Variants in CAMK4 observed in about 807,000 individuals in gnomAD.
The protein encoded by CAMK4 is calcium/calmodulin dependent protein kinase IV.
In CAMK4, 22 loss-of-function variants were observed where a neutral mutation model predicts 44.9. That is an observed-to-expected ratio of 0.49 (90% confidence interval 0.35 to 0.70). The LOEUF (loss-of-function observed/expected upper bound fraction) is 0.70, where lower values mean the gene tolerates loss of function less well. CAMK4 is among the 30% of genes least tolerant of loss of function. The pLI is 0.01. For missense variants in CAMK4, 498 were observed against 586.8 expected, an observed-to-expected ratio of 0.85 and a Z score of 1.56; for synonymous variants, 218 against 215.4, an observed-to-expected ratio of 1.01 and a Z score of -0.11.
chr5:111,450,105 G>A (rs1754173903), intron 7 of CAMK4, among the ~76,000 whole-genome samples: 1 of 151,700 alleles, frequency 6.6e-6, no homozygotes, highest in South Asian at 2.1e-4. Context: ...GGTCACTTGA[G>A]GTCAGGAGTT....
intron 1 of CAMK4, among the ~76,000 whole-genome samples, chr5:111,300,421 A>C (rs934285650): frequency 1.3e-5 from 2 of 152,230 alleles, no homozygotes; most frequent in Non-Finnish European, 2.9e-5. Context: ...TTTTTGAAGA[A>C]AGTGTGTAGT....
chr5:111,334,870 A>G (rs1749330298), intron 1 of CAMK4, among the ~76,000 whole-genome samples: 2 of 151,590 alleles, frequency 1.3e-5, no homozygotes, highest in South Asian at 2.1e-4. Context: ...TGACATAACT[A>G]TACTTTGTAA....
intron 5 of CAMK4, among the ~76,000 whole-genome samples, chr5:111,430,638 C>A (rs1753409252): frequency 6.6e-6 from 1 of 152,046 alleles, no homozygotes; most frequent in African/African-American, 2.4e-5. Context: ...ATACAAAAAT[C>A]AGTAGCATTT....
chr5:111,351,078 T>C (rs1486691167), intron 2 of CAMK4, among the ~76,000 whole-genome samples: 1 of 152,156 alleles, frequency 6.6e-6, no homozygotes, highest in African/African-American at 2.4e-5. Context: ...TGAAGTTTTA[T>C]ATATTTTTAT....
chr5:111,421,978 C>T (rs890752486), intron 5 of CAMK4, among the ~76,000 whole-genome samples: 2 of 152,216 alleles, frequency 1.3e-5, no homozygotes, highest in African/African-American at 2.4e-5. Flanking sequence ...GTTCTTCCTT[C>T]GCCTTCCTCC....
At chr5:111,246,290 C>G (rs1561359459) in intron 1 of CAMK4, among the ~76,000 whole-genome samples, 1 of 152,178 alleles carries the variant, frequency 6.6e-6, no homozygotes, top group African/African-American at 2.4e-5. Flanking sequence ...TGTCTACCCC[C>G]AAGAAGGGCT....
chr5:111,300,252 A>T lies in CAMK4; in HGVS notation c.162-43772A>T, dbSNP rs372870743. Among the ~76,000 whole-genome samples the T allele has an allele frequency of 1.2e-4, 19 of 152,360 alleles. No homozygotes were observed. In the East Asian group the frequency reaches 3.5e-3, roughly 28 times the overall value. On this transcript the variant is annotated intron_variant, in intron 1 of 10. Transcript: ENST00000282356. ...AAACGAGACAGAATTATTACCATTAATGAAACTGAAAAATATGAGAGACAT... is the reference window on the plus strand; with the variant it reads ...AAACGAGACAGAATTATTACCATTATTGAAACTGAAAAATATGAGAGACAT...
chr5:111,433,829 G>A (rs965153580), intron 5 of CAMK4, among the ~76,000 whole-genome samples: 1 of 152,156 alleles, frequency 6.6e-6, no homozygotes, highest in Non-Finnish European at 1.5e-5. Context: ...GCCACAAATT[G>A]GGGACAAATT....
chr5:111,253,263 C>A (rs1057077214), intron 1 of CAMK4, among the ~76,000 whole-genome samples: 1 of 152,172 alleles, frequency 6.6e-6, no homozygotes, highest in African/African-American at 2.4e-5. Flanking sequence ...TCTAAAAGGA[C>A]CTTCGGGTTC....
chr5:111,470,814 G>A lies in CAMK4; in HGVS notation c.626-2497G>A, dbSNP rs183903278. Among the ~76,000 whole-genome samples the A allele has an allele frequency of 1.0e-3, 158 of 152,322 alleles. No individual in the cohort carries two copies. The Middle Eastern group carries it at 0.014, about 13-fold the overall frequency. On this transcript the variant is annotated intron_variant, in intron 7 of 10. Coordinates refer to ENST00000282356, the MANE Select transcript of CAMK4 (RefSeq NM_001744.6). ...GAATGAGCATGAGCATTTTTGTGGT[G>A]GAGAAGGATTCTCTGGTGAAGGTTT...
At chr5:111,435,899 A>G (rs1432859342) in intron 5 of CAMK4, among the ~76,000 whole-genome samples, 2 of 152,174 alleles carry the variant, frequency 1.3e-5, no homozygotes, top group Admixed American at 1.3e-4. Context: ...TTGCCTCACA[A>G]CATATACTTG....
intron 7 of CAMK4, among the ~76,000 whole-genome samples, chr5:111,461,478 C>A (rs1311140832): frequency 6.6e-6 from 1 of 152,186 alleles, no homozygotes; most frequent in Admixed American, 6.5e-5. Flanking sequence ...TAGATGACAG[C>A]TAAACAAAGG....
At chr5:111,375,881 G>A (rs752437214) in intron 3 of CAMK4, among the ~76,000 whole-genome samples, 7 of 152,122 alleles carry the variant, frequency 4.6e-5, no homozygotes, top group Non-Finnish European at 1.0e-4. Flanking sequence ...ATTCAAAATA[G>A]GAAGAAGATG....
intron 2 of CAMK4, among the ~76,000 whole-genome samples, chr5:111,367,097 T>A (rs538638773): frequency 1.5e-4 from 22 of 150,916 alleles, no homozygotes; most frequent in African/African-American, 5.4e-4. Context: ...TCCACTGCTG[T>A]CAATTTAGTT....
rs1010101091 is a variant in CAMK4, at chr5:111,486,818, G to A, written c.*2352G>A. On this transcript the variant is annotated 3_prime_UTR_variant, in exon 11 of 11. Coordinates refer to ENST00000282356, the MANE Select transcript of CAMK4 (RefSeq NM_001744.6). Reference sequence around the variant, plus strand: ...ATTCCTCCATGTGAGTACTCGAGTTGATAATTCCCTCTATCTTTTTAAACC... The same window carrying A: ...ATTCCTCCATGTGAGTACTCGAGTTAATAATTCCCTCTATCTTTTTAAACC... The A allele has an allele frequency of 6.6e-6, 1 of 152,024 alleles. No individual in the cohort carries two copies. The highest frequency in any genetic ancestry group is 2.4e-5 in the African/African-American group (1 of 41,400). The allele number at this position is 152,024 out of a possible 1,614,324, so 9.4% of individuals were successfully genotyped here. A position where few individuals can be genotyped will look rare whatever the true frequency, so the allele number is the denominator to read the frequency against.
rs573514612 is a variant in CAMK4, at chr5:111,470,004, A to G, written c.626-3307A>G. The stretch of plus-strand genomic sequence containing the variant: ...TAGCATTTCAGACTGAATAAGATTC[A>G]CTGATGTGAAGACCTGCATGGAGAA... On this transcript the variant is annotated intron_variant, in intron 7 of 10. Transcript: ENST00000282356. 7.8e-4 allele frequency among the ~76,000 whole-genome samples: 119 copies of G among 152,368 alleles called. 1 individual carries two copies. The highest frequency in any genetic ancestry group is 3.4e-3 in the Middle Eastern group (1 of 294).
At chr5:111,340,977 T>C (rs1265465054) in intron 1 of CAMK4, among the ~76,000 whole-genome samples, 3 of 151,196 alleles carry the variant, frequency 2.0e-5, no homozygotes, top group Admixed American at 1.3e-4. Context: ...TCATTTCTTC[T>C]AGGTCATCCA....
intron 5 of CAMK4, among the ~76,000 whole-genome samples, chr5:111,434,123 G>T (rs756494591): frequency 6.6e-6 from 1 of 151,940 alleles, no homozygotes; most frequent in African/African-American, 2.4e-5. Flanking sequence ...GTGAAACCCC[G>T]TCTCTACTAA....
chr5:111,253,178 T>C (rs1293114835), intron 1 of CAMK4, among the ~76,000 whole-genome samples: 1 of 152,202 alleles, frequency 6.6e-6, no homozygotes, highest in African/African-American at 2.4e-5. Flanking sequence ...GGAGGTGGGT[T>C]AATTTGACAA....
Sources: gnomAD v4.1 joint callset for allele counts (sites outside exome capture counted in the v4.1 genomes callset) on GRCh38, gnomAD v4.1.1 for gene constraint, MANE v1.5 for transcripts, NCBI Gene and HGNC (gene_info 2026-07-23, HGNC 2026-07-21) for gene names.